Variants in ROCK2 observed in about 807,000 individuals in gnomAD.
ROCK2 encodes Rho associated coiled-coil containing protein kinase 2.
Under a neutral mutation model 195.1 loss-of-function variants are expected in ROCK2, and 61 were observed. The observed-to-expected ratio is 0.31, with a 90% CI of 0.25 to 0.39. The LOEUF (loss-of-function observed/expected upper bound fraction) is 0.39, where lower values mean the gene tolerates loss of function less well. Among genes scored for constraint, ROCK2 ranks in the 10% least tolerant of loss-of-function variants. The pLI is 1.00. For synonymous variants in ROCK2, 504 were observed against 545.5 expected, an observed-to-expected ratio of 0.92 and a Z score of 1.06; for missense variants, 1,109 against 1,637.4, an observed-to-expected ratio of 0.68 and a Z score of 5.57.
chr2:11,217,594 T>C (rs1472320720), intron 11 of ROCK2, among the ~76,000 whole-genome samples: 1 of 152,356 alleles, frequency 6.6e-6, no homozygotes, highest in African/African-American at 2.4e-5. Flanking sequence ...CAACTGAATA[T>C]GCTCAAAGTA....
At position 11,317,591 on chromosome 2, in the gene ROCK2, TATATATATATATATATA is replaced by T. The variant is rs1471752346; in HGVS notation, c.141+26388_141+26404del. ...ATCTACACATTTATATATATATATA[TATATATATATATATATA>T]TATATTTTTTTTTTTTTTTAATTAT... On this transcript the variant is annotated intron_variant, in intron 1 of 32. Coordinates refer to ENST00000315872, the MANE Select transcript of ROCK2 (RefSeq NM_004850.5). Among the ~76,000 whole-genome samples, 26 of 13,938 alleles carry T rather than the reference TATATATATATATATATA, an allele frequency of 1.9e-3. 1 individual carries two copies. The East Asian group carries it at 0.16, about 88-fold the overall frequency. The allele number at this position is 13,938 out of a possible 152,430, so 9.1% of individuals were successfully genotyped here.
chr2:11,294,214 G>T (rs1363332973), intron 1 of ROCK2, among the ~76,000 whole-genome samples: 2 of 151,964 alleles, frequency 1.3e-5, no homozygotes, highest in Admixed American at 6.6e-5. Context: ...AGAAAGGAAA[G>T]AAAGGAAAGA....
rs377069192 is a variant in ROCK2, at chr2:11,245,246, T to A, written c.462+4415A>T. Among the ~76,000 whole-genome samples the A allele has an allele frequency of 2.0e-4, 30 of 149,072 alleles. No individual in the cohort carries two copies. The East Asian group carries it at 5.4e-3, about 27-fold the overall frequency. On this transcript the variant is annotated intron_variant, in intron 4 of 32. Coordinates refer to ENST00000315872, the MANE Select transcript of ROCK2 (RefSeq NM_004850.5). Reference sequence around the variant, plus strand: ...TATATTATAAATCATGTATTATTTATAAAATTATATTATAAATTTATAAAA... The same window carrying A: ...TATATTATAAATCATGTATTATTTAAAAAATTATATTATAAATTTATAAAA...
intron 1 of ROCK2, among the ~76,000 whole-genome samples, chr2:11,292,544 CTT>C (rs1223095817): frequency 3.9e-5 from 6 of 152,056 alleles, no homozygotes; most frequent in Non-Finnish European, 7.4e-5. Context: ...AAATAATAAA[CTT>C]AATTAGTAAA....
At chr2:11,319,940 C>T (rs1262502752) in intron 1 of ROCK2, among the ~76,000 whole-genome samples, 2 of 152,100 alleles carry the variant, frequency 1.3e-5, no homozygotes, top group Non-Finnish European at 2.9e-5. Context: ...CCAGAAAACA[C>T]CTTAAAACTA....
chr2:11,329,466 C>CA (rs11347828), intron 1 of ROCK2, among the ~76,000 whole-genome samples: 2,628 of 138,408 alleles, frequency 0.019, 35 homozygotes, highest in East Asian at 0.046. Flanking sequence ...ATCCCATCTC[C>CA]AAAAAAAAAA....
chr2:11,278,786 G>A (rs1666909615), intron 3 of ROCK2, among the ~76,000 whole-genome samples: 1 of 152,026 alleles, frequency 6.6e-6, no homozygotes, highest in Admixed American at 6.6e-5. Flanking sequence ...CTAATTTTTT[G>A]CATTTTTAGT....
At position 11,217,096 on chromosome 2, in the gene ROCK2, T is replaced by G. The variant is rs776997959; in HGVS notation, c.1406A>C (p.Lys469Thr). 4.7e-6 allele frequency: 7 copies of G among 1,494,162 alleles called. No homozygotes were observed. The South Asian group carries it at 7.9e-5, about 17-fold the overall frequency. The allele number at this position is 1,494,162 out of a possible 1,614,324, so 92.6% of individuals were successfully genotyped here. Residue 469 changes from lysine (K) to threonine (T), a missense_variant, in exon 12 of 33, where the codon AAG (lysine) becomes ACG (threonine). Around this residue, in one of 6 missense-constraint regions of ROCK2, gnomAD observed 542 missense variants for 672.0 expected, o/e 0.81. Coordinates refer to ENST00000315872, the MANE Select transcript of ROCK2 (RefSeq NM_004850.5). ...EMQAKEELEQ[K>T]CKSVNTRLEK... is the part of the protein sequence containing the mutation. Reference sequence around the variant, plus strand: ...AATTATCTACAAAACATACTTGCACTTCTGTTCCAGTTCCTCTTTGGCTTG... The same window carrying G: ...AATTATCTACAAAACATACTTGCACGTCTGTTCCAGTTCCTCTTTGGCTTG...
chr2:11,215,478 T>G (rs1200178214), intron 14 of ROCK2, 32 bp downstream of exon 14: 1 of 1,608,114 alleles, frequency 6.2e-7, no homozygotes, highest in East Asian at 2.2e-5. Context: ...AATTTTTTTC[T>G]TGATGAGTAA....
chr2:11,273,865 C>T (rs1268453005), intron 3 of ROCK2, among the ~76,000 whole-genome samples: 1 of 149,432 alleles, frequency 6.7e-6, no homozygotes, highest in East Asian at 2.0e-4. Flanking sequence ...GGAGGTGGAG[C>T]TGGCAGTGAG....
At chr2:11,343,109 G>T (rs1000045608) in intron 1 of ROCK2, among the ~76,000 whole-genome samples, 7 of 152,058 alleles carry the variant, frequency 4.6e-5, no homozygotes, top group Non-Finnish European at 8.8e-5. Context: ...ACAGAGTATC[G>T]TTTTCACCTT....
rs570268694 is a variant in ROCK2 at position 11,313,914 on chromosome 2, A to G, written c.142-26178T>C. Among the ~76,000 whole-genome samples, 4 of 152,048 alleles carry G rather than the reference A, an allele frequency of 2.6e-5. No homozygotes were observed. In the South Asian group the frequency reaches 8.3e-4, roughly 32 times the overall value. On this transcript the variant is annotated intron_variant, in intron 1 of 32. Transcript: ENST00000315872. The stretch of plus-strand genomic sequence containing the variant: ...AATTTTTACTTTGTCCTTATTATAA[A>G]AACATTTAACACTAACTGAAGAAAT...
intron 27 of ROCK2, among the ~76,000 whole-genome samples, chr2:11,196,832 G>C (rs1181004152): frequency 6.6e-6 from 1 of 152,012 alleles, no homozygotes; most frequent in East Asian, 1.9e-4. Flanking sequence ...TGAATGACAT[G>C]GATTCCATAG....
At chr2:11,265,570 T>C (rs184108113) in intron 3 of ROCK2, among the ~76,000 whole-genome samples, 48 of 152,176 alleles carry the variant, frequency 3.2e-4, no homozygotes, top group Admixed American at 5.9e-4. Flanking sequence ...CACCAAGCAG[T>C]GAAACGATAC....
intron 3 of ROCK2, among the ~76,000 whole-genome samples, chr2:11,285,153 TTAGA>T (rs1667142622): frequency 6.6e-6 from 1 of 151,502 alleles, no homozygotes; most frequent in African/African-American, 2.4e-5. Flanking sequence ...TCCCAACTAC[TTAGA>T]AGACTGAGGC....
chr2:11,244,358 T>C (rs956418518), intron 4 of ROCK2, among the ~76,000 whole-genome samples: 3 of 152,174 alleles, frequency 2.0e-5, no homozygotes, highest in African/African-American at 7.2e-5. Flanking sequence ...AGATTGGCCA[T>C]GGTTGGTAAT....
At chr2:11,290,546 C>A (rs1449593727) in intron 1 of ROCK2, among the ~76,000 whole-genome samples, 2 of 152,000 alleles carry the variant, frequency 1.3e-5, no homozygotes, top group African/African-American at 4.8e-5. Context: ...AAACGATCTG[C>A]CTGTTTCCAA....
intron 3 of ROCK2, among the ~76,000 whole-genome samples, chr2:11,266,249 A>G (rs934835730): frequency 6.6e-6 from 1 of 152,194 alleles, no homozygotes; most frequent in African/African-American, 2.4e-5. Context: ...AAATATGTTC[A>G]TGGTGGTTTG....
chr2:11,197,140 A>C lies in ROCK2; in HGVS notation c.3448+40T>G. 2 of 1,430,362 alleles carry C rather than the reference A, an allele frequency of 1.4e-6. No individual in the cohort carries two copies. The highest frequency in any genetic ancestry group is 2.8e-5 in the South Asian group (2 of 70,580). 88.6% of individuals were successfully genotyped at this position (1,430,362 alleles called of 1,614,324 possible). On this transcript the variant is annotated intron_variant, in intron 27 of 32. Coordinates refer to ENST00000315872, the MANE Select transcript of ROCK2 (RefSeq NM_004850.5). The surrounding 1 kb of genome is among the most constrained non-coding windows in gnomAD (Gnocchi z 4.9). ...AAGACTTAAAACAATCAACTGATTT[A>C]TATTTAAGATAAATATTAGTGCTGA...
Sources: allele counts gnomAD v4.1 joint callset (sites outside exome capture counted in the v4.1 genomes callset), GRCh38; gene constraint gnomAD v4.1.1; regional missense constraint gnomAD v4.1.1; non-coding constraint Gnocchi (gnomAD v3.1); transcripts MANE v1.5; gene names NCBI Gene and HGNC (gene_info 2026-07-23, HGNC 2026-07-21).